The following ENOX1 variants were observed in gnomAD, a reference collection of about 807,000 sequenced individuals.
ENOX1 encodes ecto-NOX disulfide-thiol exchanger 1, also known as candidate growth-related and time keeping constitutive hydroquinone (NADH) oxidase.
Under a neutral mutation model 82.5 loss-of-function variants are expected in ENOX1, and 42 were observed. That is an observed-to-expected ratio of 0.51 (90% CI 0.40 to 0.66). The LOEUF is 0.66. Ranked by LOEUF, ENOX1 falls within the 30% of genes least tolerant of loss-of-function variation. ENOX1 has a pLI of 0.00. For missense variants in ENOX1, 608 were observed against 811.6 expected, an observed-to-expected ratio of 0.75 and a Z score of 3.05; for synonymous variants, 271 against 282.2, an observed-to-expected ratio of 0.96 and a Z score of 0.40.
At chr13:43,724,002 C>A (rs974609312) in intron 1 of ENOX1, among the ~76,000 whole-genome samples, 8 of 152,118 alleles carry the variant, frequency 5.3e-5, no homozygotes, top group African/African-American at 1.9e-4. Context: ...TATTTGAAAC[C>A]ACATCATAAA....
intron 1 of ENOX1, among the ~76,000 whole-genome samples, chr13:43,727,092 T>C (rs1002411543): frequency 6.6e-6 from 1 of 152,160 alleles, no homozygotes; most frequent in African/African-American, 2.4e-5. Context: ...TAGTGTTTGT[T>C]CTCTCCTTCA....
intron 2 of ENOX1, among the ~76,000 whole-genome samples, chr13:43,589,636 C>CT (rs61251728): frequency 0.94 from 142,857 of 152,210 alleles, 67,631 homozygotes; most frequent in South Asian, 1. Flanking sequence ...TCCAAGTAGC[C>CT]AGACTATAGG....
intron 1 of ENOX1, among the ~76,000 whole-genome samples, chr13:43,719,247 A>G (rs2088378914): frequency 6.8e-6 from 1 of 146,046 alleles, no homozygotes; most frequent in Non-Finnish European, 1.5e-5. Flanking sequence ...AGCAGTGTTA[A>G]CTGTGTTTTT....
intron 11 of ENOX1, among the ~76,000 whole-genome samples, chr13:43,318,358 T>G (rs1018901304): frequency 1.8e-4 from 27 of 152,244 alleles, no homozygotes; most frequent in African/African-American, 6.5e-4. Context: ...AAAACACTTT[T>G]TTCAAATGAG....
In ENOX1 at chr13:43,311,245, G is replaced by A. The variant is rs750682269; in HGVS notation, c.1261+11139C>T. 3.9e-5 allele frequency among the ~76,000 whole-genome samples: 6 copies of A among 151,938 alleles called. 1 individual carries two copies. The highest frequency in any genetic ancestry group is 2.0e-4 in the Admixed American group (3 of 15,258). On this transcript the variant is annotated intron_variant, in intron 11 of 16. Transcript: ENST00000690772. ...ACAGGAGTGCTAGAGAAAGAGAAGG[G>A]GCTCTGAAGCCAGATACCAGCTATG...
intron 1 of ENOX1, among the ~76,000 whole-genome samples, chr13:43,774,119 A>T (rs1217381477): frequency 6.6e-6 from 1 of 152,212 alleles, no homozygotes; most frequent in African/African-American, 2.4e-5. Context: ...GCTTGATAGA[A>T]TCAAGTCTCT....
At chr13:43,260,446 T>C (rs922688343) in intron 14 of ENOX1, among the ~76,000 whole-genome samples, 4 of 152,186 alleles carry the variant, frequency 2.6e-5, no homozygotes, top group African/African-American at 4.8e-5. Context: ...AACTTTACTA[T>C]AACAGAAACA....
At chr13:43,663,664 GTAC>G (rs533095149) in intron 2 of ENOX1, among the ~76,000 whole-genome samples, 3 of 152,064 alleles carry the variant, frequency 2.0e-5, no homozygotes, top group Admixed American at 6.6e-5. Flanking sequence ...CGTCCAAAGG[GTAC>G]TACATGAATG....
At chr13:43,269,260 G>A (rs2044551117) in intron 13 of ENOX1, among the ~76,000 whole-genome samples, 1 of 152,192 alleles carries the variant, frequency 6.6e-6, no homozygotes, top group South Asian at 2.1e-4. Context: ...GCAGGCTTGG[G>A]CAATCTAAAC....
At chr13:43,310,299 T>C (rs949511920) in intron 11 of ENOX1, among the ~76,000 whole-genome samples, 2 of 152,002 alleles carry the variant, frequency 1.3e-5, no homozygotes, top group Non-Finnish European at 2.9e-5. Flanking sequence ...GCTCTACCTT[T>C]TTTTCTAATT....
rs2045671859 is a variant in ENOX1 at position 43,285,858 on chromosome 13, C to T, written c.1446+12488G>A. The stretch of plus-strand genomic sequence containing the variant: ...GAGGAATTCCCCCCTCTTCTTCTTT[C>T]TTCTTTGTTCCAATGCTGTATTTCT... On this transcript the variant is annotated intron_variant, in intron 12 of 16. Coordinates refer to ENST00000690772, the MANE Select transcript of ENOX1 (RefSeq NM_001347969.2). 3.8e-5 allele frequency among the ~76,000 whole-genome samples: 5 copies of T among 132,858 alleles called. No individual in the cohort carries two copies. In the South Asian group the frequency reaches 7.5e-4, roughly 20 times the overall value. 87.2% of individuals were successfully genotyped at this position (132,858 alleles called of 152,430 possible).
chr13:43,674,820 G>C (rs2153792864), intron 1 of ENOX1, among the ~76,000 whole-genome samples: 1 of 152,290 alleles, frequency 6.6e-6, no homozygotes, highest in South Asian at 2.1e-4. Context: ...AATACAGCAA[G>C]CTATGCATGT....
intron 1 of ENOX1, among the ~76,000 whole-genome samples, chr13:43,687,673 C>G (rs2086147188): frequency 6.6e-6 from 1 of 152,132 alleles, no homozygotes; most frequent in Non-Finnish European, 1.5e-5. Context: ...TGCTATGTTC[C>G]AAGCATGATG....
At chr13:43,459,807 C>T (rs1566275609) in intron 3 of ENOX1, among the ~76,000 whole-genome samples, 1 of 152,178 alleles carries the variant, frequency 6.6e-6, no homozygotes, top group Non-Finnish European at 1.5e-5. Flanking sequence ...GCCTGACCAA[C>T]ATCGTGAAAC....
rs149370465 is a variant in ENOX1, at chr13:43,607,494, C to A, written c.-219+59985G>T. Among the ~76,000 whole-genome samples, 994 of 152,190 alleles carry A rather than the reference C, an allele frequency of 6.5e-3. 5 individuals are homozygous for A. The highest frequency in any genetic ancestry group is 9.8e-3 in the Non-Finnish European group (669 of 68,016). ...CAGTAAGTTAACACATTCATGGGAG[C>A]AAAGCTACAAAAATGTTAAGTCTGG... On this transcript the variant is annotated intron_variant, in intron 2 of 16. Coordinates refer to ENST00000690772, the MANE Select transcript of ENOX1 (RefSeq NM_001347969.2).
intron 3 of ENOX1, among the ~76,000 whole-genome samples, chr13:43,431,984 G>C (rs1210879692): frequency 1.3e-5 from 2 of 152,066 alleles, no homozygotes; most frequent in African/African-American, 4.8e-5. Context: ...TTATACCCCA[G>C]AGCTTAAATT....
At chr13:43,384,973 A>C (rs1566087854) in intron 5 of ENOX1, among the ~76,000 whole-genome samples, 2 of 152,148 alleles carry the variant, frequency 1.3e-5, no homozygotes, top group Non-Finnish European at 2.9e-5. Flanking sequence ...TTCTCAGAGA[A>C]GGATATTGTG....
chr13:43,232,151 C>T (rs1159780857), intron 15 of ENOX1, among the ~76,000 whole-genome samples: 1 of 127,260 alleles, frequency 7.9e-6, no homozygotes, highest in Non-Finnish European at 1.6e-5. Flanking sequence ...CTAGGCTGGT[C>T]TTGAACTCCT....
chr13:43,309,401 T>C (rs1022369882), intron 11 of ENOX1, among the ~76,000 whole-genome samples: 1 of 152,168 alleles, frequency 6.6e-6, no homozygotes, highest in Admixed American at 6.5e-5. Flanking sequence ...TAGAGGTCCC[T>C]TTCTCAGAGC....
Sources: gnomAD v4.1 joint callset for allele counts (sites outside exome capture counted in the v4.1 genomes callset) on GRCh38, gnomAD v4.1.1 for gene constraint, MANE v1.5 for transcripts, NCBI Gene and HGNC (gene_info 2026-07-23, HGNC 2026-07-21) for gene names.